The following LOC128092252 variants were observed in gnomAD, a reference collection of about 807,000 sequenced individuals.
the LOC128092252 span, among the ~76,000 whole-genome samples, chr15:50,659,013 G>A: frequency 6.6e-6 from 1 of 151,752 alleles, no homozygotes; most frequent in Non-Finnish European, 1.5e-5. Flanking sequence ...CCTGGCTAAC[G>A]CAGTGAAACC....
chr15:50,662,851 A>C, the LOC128092252 span: 1 of 769,240 alleles, frequency 1.3e-6, no homozygotes, highest in African/African-American at 1.8e-5. Context: ...TAATTATAAA[A>C]AGTAACAGTA....
chr15:50,671,486 A>G, the LOC128092252 span, among the ~76,000 whole-genome samples: 1 of 152,168 alleles, frequency 6.6e-6, no homozygotes, highest in East Asian at 1.9e-4. Flanking sequence ...CAGTGGTCCC[A>G]TAAGATTATA....
chr15:50,680,978 C>T, the LOC128092252 span, among the ~76,000 whole-genome samples: 95 of 152,174 alleles, frequency 6.2e-4, no homozygotes, highest in South Asian at 0.015. Flanking sequence ...AAGTGTCGGG[C>T]GAGGTGGCTC....
chr15:50,676,260 A>T, the LOC128092252 span, among the ~76,000 whole-genome samples: 1 of 152,224 alleles, frequency 6.6e-6, no homozygotes, highest in Non-Finnish European at 1.5e-5. Context: ...AAAATTAAAG[A>T]TTCCTAAAAA....
the LOC128092252 span, among the ~76,000 whole-genome samples, chr15:50,654,873 C>T: frequency 2.1e-4 from 31 of 149,768 alleles, no homozygotes; most frequent in African/African-American, 6.8e-4. Flanking sequence ...TGGCAGCAGG[C>T]ACCTGTAGTC....
At chr15:50,650,519 ACT>A in the LOC128092252 span, among the ~76,000 whole-genome samples, 6 of 151,852 alleles carry the variant, frequency 4.0e-5, no homozygotes, top group Admixed American at 2.6e-4. Context: ...ATATGGTGAA[ACT>A]CTGTCTCTCC....
At chr15:50,661,235 A>G in the LOC128092252 span, among the ~76,000 whole-genome samples, 4 of 152,146 alleles carry the variant, frequency 2.6e-5, no homozygotes, top group Admixed American at 1.3e-4. Context: ...TCAGCCTCCC[A>G]AAGTGCTGGG....
the LOC128092252 span, among the ~76,000 whole-genome samples, chr15:50,662,118 G>T: frequency 6.6e-6 from 1 of 152,118 alleles, no homozygotes; most frequent in Non-Finnish European, 1.5e-5. Context: ...AGTTTGGGAG[G>T]CCAAGGCAGG....
At chr15:50,678,254 A>AC in the LOC128092252 span, among the ~76,000 whole-genome samples, 1 of 134,634 alleles carries the variant, frequency 7.4e-6, no homozygotes, top group Non-Finnish European at 1.7e-5. Context: ...AAAAAAAACA[A>AC]AAACAAAAAC....
At chr15:50,678,216 G>T in the LOC128092252 span, among the ~76,000 whole-genome samples, 3 of 145,604 alleles carry the variant, frequency 2.1e-5, no homozygotes, top group African/African-American at 7.6e-5. Context: ...CTCCAGCCTG[G>T]GCAACAGAGT....
At chr15:50,656,876 T>C in the LOC128092252 span, among the ~76,000 whole-genome samples, 3 of 152,180 alleles carry the variant, frequency 2.0e-5, no homozygotes, top group Non-Finnish European at 4.4e-5. Flanking sequence ...TCCTATTGCA[T>C]TTATCTCATT....
the LOC128092252 span, chr15:50,657,904 CA>C: frequency 6.0e-5 from 65 of 1,078,106 alleles, no homozygotes; most frequent in South Asian, 1.4e-4. Flanking sequence ...AAATACAAAA[CA>C]AAAAAAATTA....
At chr15:50,678,265 A>C in the LOC128092252 span, among the ~76,000 whole-genome samples, 1 of 148,602 alleles carries the variant, frequency 6.7e-6, no homozygotes, top group African/African-American at 2.5e-5. Flanking sequence ...AAACAAAAAC[A>C]AAAACAAAAA....
At chr15:50,686,623 G>T in the LOC128092252 span, 17 of 1,549,336 alleles carry the variant, frequency 1.1e-5, no homozygotes, top group Non-Finnish European at 1.5e-5. Flanking sequence ...CGTCTCCGGA[G>T]GCGGCAGCAG....
chr15:50,665,269 C>T, the LOC128092252 span, among the ~76,000 whole-genome samples: 1 of 151,798 alleles, frequency 6.6e-6, no homozygotes, highest in South Asian at 2.1e-4. Flanking sequence ...TGGTGGCACA[C>T]ATCTGTAATC....
chr15:50,653,887 T>C, the LOC128092252 span, among the ~76,000 whole-genome samples: 4 of 151,962 alleles, frequency 2.6e-5, no homozygotes, highest in South Asian at 4.1e-4. Context: ...GTCCTAAAGG[T>C]CTGGAAGACA....
At chr15:50,668,592 C>G in the LOC128092252 span, among the ~76,000 whole-genome samples, 100 of 152,330 alleles carry the variant, frequency 6.6e-4, no homozygotes, top group East Asian at 3.9e-4. Flanking sequence ...ACTGCTAACT[C>G]TGCCTCCGGG....
At chr15:50,668,123 G>A in the LOC128092252 span, among the ~76,000 whole-genome samples, 23 of 152,182 alleles carry the variant, frequency 1.5e-4, 1 homozygote, top group African/African-American at 5.1e-4. Context: ...GATCCTCTTC[G>A]AAAGGTGGTT....
the LOC128092252 span, among the ~76,000 whole-genome samples, chr15:50,670,261 T>A: frequency 6.6e-6 from 1 of 152,086 alleles, no homozygotes; most frequent in African/African-American, 2.4e-5. Context: ...TCAGAGGTGT[T>A]TAAACCAGAG....
Sources: gnomAD v4.1 joint callset for allele counts (sites outside exome capture counted in the v4.1 genomes callset) on GRCh38, gnomAD v4.1.1 for gene constraint, MANE v1.5 for transcripts.